Variants in WASHC2A observed in about 807,000 individuals in gnomAD.
WASHC2A encodes the protein WASH complex subunit 2A, also known as WASH complex subunit FAM21A.
WASHC2A carries 82 observed loss-of-function variants against 140.3 expected under a neutral mutation model. The observed-to-expected ratio is 0.58, with a 90% CI of 0.49 to 0.70. WASHC2A has a LOEUF of 0.70. Among genes scored for constraint, WASHC2A ranks in the 30% least tolerant of loss-of-function variants. The pLI is 0.00. For missense variants in WASHC2A, 985 were observed against 1,521.8 expected, an observed-to-expected ratio of 0.65 and a Z score of 5.87; for synonymous variants, 340 against 560.8, an observed-to-expected ratio of 0.61 and a Z score of 5.56.
At position 50,129,925 on chromosome 10, in the gene WASHC2A, C is replaced by G; in HGVS notation, c.3594C>G (p.Pro1198=). 1.2e-6 allele frequency: 2 copies of G among 1,611,988 alleles called. No individual in the cohort carries two copies. Among genetic ancestry groups the G allele is most frequent in the South Asian group, 2.2e-5 (2 of 90,982 alleles). ...CAAAACCAGCAAAGAAAACAAATCC[C>G]TTTCCTCTCCTGGAAGATGAGGATG... The part of the protein sequence containing the change: ...AKPKPAKKTN[P]FPLLEDEDDL... The change falls in exon 29 of 31, where the codon CCC becomes CCG. Residue 1198 remains proline, a synonymous_variant. Transcript: ENST00000282633.
At chr10:50,131,786 C>T (rs1348666467) in intron 30 of WASHC2A, among the ~76,000 whole-genome samples, 28 of 152,164 alleles carry the variant, frequency 1.8e-4, no homozygotes, top group African/African-American at 5.8e-4. Context: ...TCCAGCAAGC[C>T]GTGTGCTCTG....
Position 50,097,675 on chromosome 10 carries a change from G to T in WASHC2A, c.1421G>T (p.Gly474Val), listed in dbSNP as rs1840617369. The change falls in exon 16 of 31, where the codon GGC becomes GTC. Residue 474 changes from glycine to valine, a missense_variant and splice_region_variant. By Grantham distance (109) the Gly-to-Val change is moderately radical. Transcript: ENST00000282633. ...TTTTATGCCTTGGTATTTTTTACAG[G>T]CAAAGTCCAATCCACTGCCGATATC... ...SAPHSKPSKTGKVQSTADIFG... is the reference protein window; with the variant it reads ...SAPHSKPSKTVKVQSTADIFG... 11 of 1,587,854 alleles carry T rather than the reference G, an allele frequency of 6.9e-6. No homozygotes were observed. The South Asian group carries it at 1.2e-4, about 18-fold the overall frequency.
Position 50,084,201 on chromosome 10 carries a change from A to G in WASHC2A, c.622+36A>G, listed in dbSNP as rs1422481324. The G allele has an allele frequency of 6.2e-6, 10 of 1,607,380 alleles. No individual in the cohort carries two copies. In the South Asian group the frequency reaches 6.7e-5, roughly 11 times the overall value. On this transcript the variant is annotated intron_variant, in intron 6 of 30. Coordinates refer to ENST00000282633, the MANE Select transcript of WASHC2A (RefSeq NM_001005751.3). ...TCACCAAATAATTTTGTTCCTTAAC[A>G]TTTCTTTTTTATTTTAAAATAATTT...
chr10:50,087,314 C>T lies in WASHC2A; in HGVS notation c.724C>T (p.Gln242Ter). The change falls in exon 8 of 31, where the codon CAA becomes TAA. Residue 242 changes from glutamine to a stop codon, truncating the protein, a stop_gained. Coordinates refer to ENST00000282633, the MANE Select transcript of WASHC2A (RefSeq NM_001005751.3). LOFTEE classifies it high-confidence loss of function. ...EDFAHHSDNE[Q>*]NRHTTQMSDE... is the part of the protein sequence containing the mutation. Reference sequence around the variant, plus strand: ...TTTTGCCCATCATAGTGACAATGAACAAAACCGGGTAAGGCTCATATATTG... The same window carrying T: ...TTTTGCCCATCATAGTGACAATGAATAAAACCGGGTAAGGCTCATATATTG... The T allele has an allele frequency of 6.2e-7, 1 of 1,613,922 alleles. No individual in the cohort carries two copies. The highest frequency in any genetic ancestry group is 8.5e-7 in the Non-Finnish European group (1 of 1,179,852).
At chr10:50,129,372 C>G (rs1255629566) in intron 28 of WASHC2A, 47 bp from the exon 29 acceptor site, 37 of 1,611,904 alleles carry the variant, frequency 2.3e-5, no homozygotes, top group Non-Finnish European at 3.0e-5. Flanking sequence ...TAGCTTTGAA[C>G]ACTTTATTTT....
intron 6 of WASHC2A, among the ~76,000 whole-genome samples, chr10:50,085,091 C>T (rs1220814648): frequency 1.2e-4 from 11 of 89,386 alleles, no homozygotes; most frequent in Non-Finnish European, 2.4e-4. Flanking sequence ...GCTATGTTCA[C>T]ATTTTGCCGT....
rs1843906447 is a variant in WASHC2A, at chr10:50,130,881, T to A, written c.3709-20T>A. ...AAAATTGATTTAACATTATTTTGTA[T>A]GTATTTTTGGCTTAACAAGGATGAT... On this transcript the variant is annotated intron_variant, in intron 29 of 30. Coordinates refer to ENST00000282633, the MANE Select transcript of WASHC2A (RefSeq NM_001005751.3). 1.2e-6 allele frequency: 2 copies of A among 1,603,856 alleles called. No individual in the cohort carries two copies. Among genetic ancestry groups the A allele is most frequent in the Non-Finnish European group, 1.7e-6 (2 of 1,177,782 alleles).
In WASHC2A at chr10:50,110,240, A is replaced by C. The variant is rs1391705406; in HGVS notation, c.2009A>C (p.Glu670Ala). 9.9e-6 allele frequency: 16 copies of C among 1,611,816 alleles called. No individual in the cohort carries two copies. In the Admixed American group the frequency reaches 2.7e-4, roughly 27 times the overall value. ...ACCAGTCTCTTTGAGGAAGACGAAGAAGATGATCTTTTTGCCATTGCCAAG... is the reference window on the plus strand; with the variant it reads ...ACCAGTCTCTTTGAGGAAGACGAAGCAGATGATCTTTTTGCCATTGCCAAG... ...KKTSLFEEDE[E>A]DDLFAIAKDS... The change falls in exon 20 of 31, where the codon GAA becomes GCA. Residue 670 changes from glutamate to alanine, a missense_variant. Coordinates refer to ENST00000282633, the MANE Select transcript of WASHC2A (RefSeq NM_001005751.3).
At chr10:50,125,986 T>G in intron 25 of WASHC2A, 71 bp from the exon 26 acceptor site, 1 of 1,598,048 alleles carries the variant, frequency 6.3e-7, no homozygotes, top group Non-Finnish European at 8.5e-7. Context: ...AGGATTGTTT[T>G]TTGCATTATG....
Position 50,125,137 on chromosome 10 carries a change from A to C in WASHC2A, c.2503A>C (p.Lys835Gln), listed in dbSNP as rs1843327200. 1 of 1,611,750 alleles carries C rather than the reference A, an allele frequency of 6.2e-7. No individual in the cohort carries two copies. Among genetic ancestry groups the C allele is most frequent in the African/African-American group, 1.3e-5 (1 of 74,818 alleles). Residue 835 changes from lysine (K) to glutamine (Q), a missense_variant, in exon 24 of 31, where the codon AAG becomes CAG. Coordinates refer to ENST00000282633, the MANE Select transcript of WASHC2A (RefSeq NM_001005751.3). Reference sequence around the variant, plus strand: ...GGGCCGCGATCCTGATGCCCACCCCAAGAGCACAGGTGTCTTCCAGGATGA... The same window carrying C: ...GGGCCGCGATCCTGATGCCCACCCCCAGAGCACAGGTGTCTTCCAGGATGA... ...GKGRDPDAHP[K>Q]STGVFQDEEL...
intron 20 of WASHC2A, among the ~76,000 whole-genome samples, chr10:50,111,904 T>C (rs1659130378): frequency 6.6e-6 from 1 of 152,090 alleles, no homozygotes; most frequent in Non-Finnish European, 1.5e-5. Flanking sequence ...GTCACGCACC[T>C]GTAATCCCAG....
chr10:50,071,908 T>C (rs1258958350), intron 3 of WASHC2A, among the ~76,000 whole-genome samples: 1 of 140,278 alleles, frequency 7.1e-6, no homozygotes, highest in African/African-American at 2.7e-5. Flanking sequence ...TAGCCTTAGC[T>C]TTTTTTTTTT....
At chr10:50,095,034 G>A (rs1364442507) in intron 13 of WASHC2A, 114 bp from the exon 14 acceptor site, 36 of 1,578,002 alleles carry the variant, frequency 2.3e-5, no homozygotes, top group Non-Finnish European at 2.8e-5. Flanking sequence ...AGGAAAAAGT[G>A]GTTTCAAAAG....
intron 8 of WASHC2A, among the ~76,000 whole-genome samples, chr10:50,090,511 A>ATATAT (rs1167025824): frequency 2.2e-4 from 14 of 62,682 alleles, no homozygotes; most frequent in South Asian, 1.0e-3. Context: ...TCAAAAAAAA[A>ATATAT]AAAAATATAT....
chr10:50,126,269 G>C, intron 26 of WASHC2A, 90 bp downstream of exon 26: 1 of 1,608,418 alleles, frequency 6.2e-7, no homozygotes, highest in Non-Finnish European at 8.5e-7. Flanking sequence ...ATTCAGACTT[G>C]TCTGCATTAA....
intron 20 of WASHC2A, among the ~76,000 whole-genome samples, chr10:50,111,542 A>T (rs1284369344): frequency 2.0e-5 from 3 of 152,184 alleles, no homozygotes; most frequent in Admixed American, 6.5e-5. Flanking sequence ...TGTTGGGATG[A>T]TGAGGTGGAA....
intron 27 of WASHC2A, 78 bp from the exon 28 acceptor site, chr10:50,127,505 A>G (rs1843538864): frequency 1.2e-6 from 2 of 1,611,752 alleles, no homozygotes; most frequent in Non-Finnish European, 8.5e-7. Flanking sequence ...TGTGCACCGA[A>G]TCTTGTCATG....
intron 17 of WASHC2A, among the ~76,000 whole-genome samples, chr10:50,102,821 GGATA>G (rs1841342898): frequency 6.7e-6 from 1 of 150,094 alleles, no homozygotes; most frequent in South Asian, 2.2e-4. Flanking sequence ...TTTCTTTGCA[GGATA>G]AGCTGATGTT....
At chr10:50,082,409 C>G (rs1385716621) in intron 5 of WASHC2A, among the ~76,000 whole-genome samples, 1 of 150,968 alleles carries the variant, frequency 6.6e-6, no homozygotes, top group Non-Finnish European at 1.5e-5. Flanking sequence ...CAATGCCTCA[C>G]AGGGGACAGG....
Sources: allele counts gnomAD v4.1 joint callset (sites outside exome capture counted in the v4.1 genomes callset), GRCh38; gene constraint gnomAD v4.1.1; transcripts MANE v1.5; gene names NCBI Gene and HGNC (gene_info 2026-07-23, HGNC 2026-07-21).